Variants in KLK6 observed in about 807,000 individuals in gnomAD.
KLK6 encodes kallikrein related peptidase 6.
KLK6 carries 16 observed loss-of-function variants against 21.7 expected under a neutral mutation model. The observed-to-expected ratio is 0.74, with a 90% CI of 0.50 to 1.12. The LOEUF (loss-of-function observed/expected upper bound fraction) is 1.12. Among genes scored for constraint, KLK6 ranks in the 50% most tolerant of loss-of-function variants. The probability of loss-of-function intolerance (pLI) is 0.00; values close to 1 mark genes in which losing one functional copy is unlikely to be tolerated. For synonymous variants in KLK6, 116 were observed against 120.1 expected (o/e 0.97, Z 0.22); for missense variants, 276 against 304.6 (o/e 0.91, Z 0.70).
At chr19:50,963,810 C>T (rs183677832) in intron 4 of KLK6, among the ~76,000 whole-genome samples, 47 of 152,292 alleles carry the variant, frequency 3.1e-4, no homozygotes, top group African/African-American at 8.7e-4. Context: ...ACCTTTCCCA[C>T]GGCTACCATC....
chr19:50,963,185 G>T (rs2090870194), intron 5 of KLK6, 117 bp downstream of exon 5: 4 of 1,399,464 alleles, frequency 2.9e-6, no homozygotes, highest in South Asian at 2.6e-5. Flanking sequence ...TGTCCCATTG[G>T]TCCTCACCAT....
At chr19:50,960,385 C>T (rs1305019873) in intron 6 of KLK6, among the ~76,000 whole-genome samples, 1 of 152,016 alleles carries the variant, frequency 6.6e-6, no homozygotes, top group Non-Finnish European at 1.5e-5. Flanking sequence ...TCTGCACATC[C>T]CTCAGTGCAT....
rs138116440 is a variant in KLK6 at position 50,959,250 on chromosome 19, G to A, written c.649C>T (p.Pro217Ser). ...LRGLVSWGNI[P>S]CGSKEKPGVY... ...CCTGGCTTCTCCTTTGATCCACAGG[G>A]GATGTTACCCCATGACACAAGGCCT... is the stretch of plus-strand genomic sequence containing the variant. The change falls in exon 7 of 7, where the codon CCC becomes TCC. Residue 217 changes from proline (P) to serine (S), a missense_variant. Physicochemically the swap from Pro to Ser is moderately conservative, Grantham distance 74 (BLOSUM62 -1). Transcript: ENST00000310157. 37 of 1,613,842 alleles carry A rather than the reference G, an allele frequency of 2.3e-5. No homozygotes were observed. In the African/African-American group the frequency reaches 2.9e-4, roughly 13 times the overall value.
intron 2 of KLK6, 194 bp from the exon 3 acceptor site, chr19:50,968,306 A>T: frequency 1.6e-6 from 1 of 631,606 alleles, no homozygotes; most frequent in Non-Finnish European, 2.9e-6. Context: ...CCACGAAAAC[A>T]GTGCCAAAGA....
chr19:50,963,172 C>A, intron 5 of KLK6, 130 bp downstream of exon 5: 2 of 1,318,262 alleles, frequency 1.5e-6, no homozygotes, highest in African/African-American at 1.5e-5. Context: ...CCCATTGAAA[C>A]CCTGTCCCAT....
intron 4 of KLK6, among the ~76,000 whole-genome samples, chr19:50,963,872 T>C (rs1035797685): frequency 3.3e-5 from 5 of 152,132 alleles, no homozygotes; most frequent in African/African-American, 1.2e-4. Flanking sequence ...AGTAGCCTCC[T>C]CACTGGGCTC....
chr19:50,968,493 C>T (rs1241018172), intron 2 of KLK6, 48 bp downstream of exon 2: 4 of 253,936 alleles, frequency 1.6e-5, no homozygotes, highest in Non-Finnish European at 3.1e-5. Flanking sequence ...TGCGCAATGG[C>T]CACCCACCCC....
In KLK6 at chr19:50,963,282, A is replaced by G. The variant is rs1600092774; in HGVS notation, c.445+20T>C. ...CCAAGTAGCCAGTAGCCTGCTCCCCACCAGCCTCCCACTACTGACCATCTG... is the reference window on the plus strand; with the variant it reads ...CCAAGTAGCCAGTAGCCTGCTCCCCGCCAGCCTCCCACTACTGACCATCTG... On this transcript the variant is annotated intron_variant, in intron 5 of 6. Coordinates refer to ENST00000310157, the MANE Select transcript of KLK6 (RefSeq NM_002774.4). 1.2e-6 allele frequency: 2 copies of G among 1,603,360 alleles called. No homozygotes were observed. Among genetic ancestry groups the G allele is most frequent in the African/African-American group, 2.7e-5 (2 of 74,654 alleles).
At chr19:50,965,940 T>G (rs2090919795) in intron 4 of KLK6, among the ~76,000 whole-genome samples, 1 of 152,178 alleles carries the variant, frequency 6.6e-6, no homozygotes, top group Admixed American at 6.5e-5. Context: ...TGAATCTGAC[T>G]AGTGAGGATC....
intron 6 of KLK6, 135 bp from the exon 7 acceptor site, chr19:50,959,451 G>C: frequency 1.3e-6 from 1 of 760,698 alleles, no homozygotes; most frequent in Non-Finnish European, 2.1e-6. Flanking sequence ...CTTACTGAAA[G>C]ATGGAGAGAA....
At position 50,967,174 on chromosome 19, in the gene KLK6, T is replaced by C. The variant is rs1307148882; in HGVS notation, c.192A>G (p.Lys64=). 1 of 1,612,558 alleles carries C rather than the reference T, an allele frequency of 6.2e-7. No individual in the cohort carries two copies. The highest frequency in any genetic ancestry group is 8.5e-7 in the Non-Finnish European group (1 of 1,179,540). The change falls in exon 4 of 7, where the codon AAA becomes AAG. Residue 64 remains lysine, a synonymous_variant. Coordinates refer to ENST00000310157, the MANE Select transcript of KLK6 (RefSeq NM_002774.4). The part of the protein sequence containing the change: ...PLWVLTAAHC[K]KPNLQVFLGK... ...CATTTACAGTGTAGACTCACGGTTT[T>C]TTGCAGTGGGCAGCTGTGAGGACCC... is the stretch of plus-strand genomic sequence containing the variant.
chr19:50,959,083 G>A lies in KLK6; in HGVS notation c.*81C>T. ...GGGTCAGAGCTGGGCAGGAGAGGAG[G>A]GGAGGCAAGGTCTAGGTGAGAGACG... is the stretch of plus-strand genomic sequence containing the variant. On this transcript the variant is annotated 3_prime_UTR_variant, in exon 7 of 7. Transcript: ENST00000310157. 1 of 1,487,274 alleles carries A rather than the reference G, an allele frequency of 6.7e-7. No homozygotes were observed. Among genetic ancestry groups the A allele is most frequent in the East Asian group, 2.3e-5 (1 of 44,186 alleles). 92.1% of individuals were successfully genotyped at this position (1,487,274 alleles called of 1,614,324 possible). A position where few individuals can be genotyped will look rare whatever the true frequency, so the allele number is the denominator to read the frequency against.
rs775416325 is a variant in KLK6, at chr19:50,966,366, TC to T, written c.197+802del. Among the ~76,000 whole-genome samples the T allele has an allele frequency of 2.6e-5, 4 of 152,104 alleles. No homozygotes were observed. The South Asian group carries it at 8.3e-4, about 32-fold the overall frequency. Reference sequence around the variant, plus strand: ...ATTCCACATCCCAAGATATTCAACATCCCTCCATCCCCACTGCGACCGCCTG... The same window carrying T: ...ATTCCACATCCCAAGATATTCAACATCCTCCATCCCCACTGCGACCGCCTG... On this transcript the variant is annotated intron_variant, in intron 4 of 6. Coordinates refer to ENST00000310157, the MANE Select transcript of KLK6 (RefSeq NM_002774.4).
In KLK6 at chr19:50,963,959, T is replaced by C. The variant is rs751141826; in HGVS notation, c.198-410A>G. Reference sequence around the variant, plus strand: ...ATATTTTAACAATGTAAGTTGGTCCTGTGCCTCCTCTGCTCAGCCCCTCCT... The same window carrying C: ...ATATTTTAACAATGTAAGTTGGTCCCGTGCCTCCTCTGCTCAGCCCCTCCT... On this transcript the variant is annotated intron_variant, in intron 4 of 6. Transcript: ENST00000310157. Among the ~76,000 whole-genome samples the C allele has an allele frequency of 1.3e-4, 20 of 152,310 alleles. No homozygotes were observed. In the South Asian group the frequency reaches 1.9e-3, roughly 14 times the overall value.
At chr19:50,959,916 GGAGAAGAGGAGGAA>G (rs2123614851) in intron 6 of KLK6, among the ~76,000 whole-genome samples, 2 of 72,102 alleles carry the variant, frequency 2.8e-5, no homozygotes, top group Admixed American at 1.2e-4. Context: ...AGGAAGAGGA[GGAGAAGAGGAGGAA>G]AAGGAGGAGG....
intron 6 of KLK6, among the ~76,000 whole-genome samples, chr19:50,961,012 C>T (rs2090833291): frequency 6.6e-6 from 1 of 152,238 alleles, no homozygotes; most frequent in Admixed American, 6.5e-5. Context: ...TATTCACCCA[C>T]CTCGGCCTCC....
rs2090875199 is a variant in KLK6 at position 50,963,358 on chromosome 19, TCCC to T, written c.386_388del (p.Arg129_Asp130delinsAsn). On this transcript the variant is annotated inframe_deletion, in exon 5 of 7. Transcript: ENST00000310157. ...GCAGCTGGTGGTGTTGGCTGAGCAG[TCCC>T]TCTCCAGGGGAAGGGGCTGGATGAG... is the stretch of plus-strand genomic sequence containing the variant. 1.2e-6 allele frequency: 2 copies of T among 1,613,974 alleles called. No individual in the cohort carries two copies. The highest frequency in any genetic ancestry group is 1.7e-6 in the Non-Finnish European group (2 of 1,180,008).
At chr19:50,963,105 G>A (rs1352440250) in intron 5 of KLK6, among the ~76,000 whole-genome samples, 197 bp downstream of exon 5, 1 of 151,898 alleles carries the variant, frequency 6.6e-6, no homozygotes, top group African/African-American at 2.4e-5. Flanking sequence ...TTTTCCATTG[G>A]CTGTTCACTC....
At chr19:50,960,286 G>A (rs1402755772) in intron 6 of KLK6, among the ~76,000 whole-genome samples, 1 of 151,868 alleles carries the variant, frequency 6.6e-6, no homozygotes, top group Non-Finnish European at 1.5e-5. Flanking sequence ...CTTTCTTTGC[G>A]TCCAACTTGC....
Sources: allele counts gnomAD v4.1 joint callset (sites outside exome capture counted in the v4.1 genomes callset), GRCh38; gene constraint gnomAD v4.1.1; transcripts MANE v1.5; gene names NCBI Gene and HGNC (gene_info 2026-07-23, HGNC 2026-07-21).